KDM4C: variants seen among roughly 807,000 people sequenced by gnomAD.
KDM4C encodes lysine demethylase 4C, also known as lysine-specific demethylase 4C.
A neutral mutation model predicts 129.3 loss-of-function variants in KDM4C; 81 were observed. That is an observed-to-expected ratio of 0.63 (90% CI 0.52 to 0.75). The LOEUF (loss-of-function observed/expected upper bound fraction) is 0.75. Among genes scored for constraint, KDM4C ranks in the 30% least tolerant of loss-of-function variants. The probability of loss-of-function intolerance (pLI) is 0.00; values close to 1 mark genes in which losing one functional copy is unlikely to be tolerated. For missense variants in KDM4C, 1,457 were observed against 1,304.0 expected, an observed-to-expected ratio of 1.12 and a Z score of -1.81; for synonymous variants, 573 against 456.1, an observed-to-expected ratio of 1.26 and a Z score of -3.26.
Position 7,128,243 on chromosome 9 carries a change from A to G in KDM4C, c.2781+7A>G, listed in dbSNP as rs201914009. 5 of 1,564,944 alleles carry G rather than the reference A, an allele frequency of 3.2e-6. No homozygotes were observed. The East Asian group carries it at 1.2e-4, about 37-fold the overall frequency. ...ATTTCCTGAGGATATCGTGGTAAGT[A>G]GGCTTCCTTGAGTGCCTGCTACCCA... On this transcript the variant is annotated splice_region_variant and intron_variant, in intron 19 of 21. Coordinates refer to ENST00000381309, the MANE Select transcript of KDM4C (RefSeq NM_015061.6).
chr9:7,169,416 A>G (rs1220853273), intron 20 of KDM4C, among the ~76,000 whole-genome samples: 3 of 151,980 alleles, frequency 2.0e-5, no homozygotes, highest in African/African-American at 7.3e-5. Flanking sequence ...GCTCACTACA[A>G]CCTCTGCCTC....
intron 5 of KDM4C, among the ~76,000 whole-genome samples, chr9:6,865,031 T>A (rs6477120): frequency 7.2e-6 from 1 of 138,066 alleles, no homozygotes; most frequent in Non-Finnish European, 1.6e-5. Context: ...TTTTGTGAGA[T>A]AGAGTCTTGC....
At chr9:6,926,881 G>A (rs902166858) in intron 8 of KDM4C, among the ~76,000 whole-genome samples, 2 of 152,074 alleles carry the variant, frequency 1.3e-5, no homozygotes, top group African/African-American at 2.4e-5. Flanking sequence ...TTTAATTGTT[G>A]CTTATTTTCT....
chr9:7,145,680 TC>T (rs1842158892), intron 19 of KDM4C, among the ~76,000 whole-genome samples: 1 of 152,250 alleles, frequency 6.6e-6, no homozygotes, highest in African/African-American at 2.4e-5. Context: ...TGCTGCCTCT[TC>T]GGAACACCCA....
intron 10 of KDM4C, among the ~76,000 whole-genome samples, chr9:6,985,059 T>C (rs114425157): frequency 1.3e-5 from 2 of 152,076 alleles, no homozygotes; most frequent in African/African-American, 4.8e-5. Context: ...CTCATGGGAT[T>C]CCCCCCTCCG....
intron 1 of KDM4C, among the ~76,000 whole-genome samples, chr9:6,771,878 A>G (rs1821916434): frequency 6.6e-6 from 1 of 152,154 alleles, no homozygotes; most frequent in African/African-American, 2.4e-5. Context: ...AAGCCAAAGC[A>G]GGCCCAAGGG....
At chr9:7,161,007 CT>C (rs1843725413) in intron 19 of KDM4C, among the ~76,000 whole-genome samples, 1 of 152,212 alleles carries the variant, frequency 6.6e-6, no homozygotes, top group Non-Finnish European at 1.5e-5. Context: ...TTCCCAGCCG[CT>C]TTGTTTACCT....
In KDM4C at chr9:7,011,818, C is replaced by T. The variant is rs754288738; in HGVS notation, c.1907C>T (p.Ala636Val). 1 of 1,613,962 alleles carries T rather than the reference C, an allele frequency of 6.2e-7. No homozygotes were observed. Among genetic ancestry groups the T allele is most frequent in the Non-Finnish European group, 8.5e-7 (1 of 1,179,974 alleles). ...TTCGCAGCTGAGCAAGAGTATAATG[C>T]AACAGTGGCCAGGATGAAGCCACAC... ...PNFAAEQEYN[A>V]TVARMKPHCA... The change falls in exon 13 of 22, where the codon GCA (alanine) becomes GTA (valine). Residue 636 changes from alanine to valine, a missense_variant. Physicochemically the swap from Ala to Val is moderately conservative, Grantham distance 64. Coordinates refer to ENST00000381309, the MANE Select transcript of KDM4C (RefSeq NM_015061.6).
At chr9:7,028,743 T>C (rs1826221502) in intron 15 of KDM4C, among the ~76,000 whole-genome samples, 1 of 152,120 alleles carries the variant, frequency 6.6e-6, no homozygotes, top group Non-Finnish European at 1.5e-5. Context: ...TTGCTGGAAC[T>C]GGGATGTGTG....
At position 6,888,033 on chromosome 9, in the gene KDM4C, A is replaced by G. The variant is rs1845553632; in HGVS notation, c.753A>G (p.Val251=). 2 of 1,596,708 alleles carry G rather than the reference A, an allele frequency of 1.3e-6. No individual in the cohort carries two copies. Reference sequence around the variant, plus strand: ...AGATGACATTGATTTCTCCATCAGTATTGAAGAAATATGGTATTCCCTTTG... The same window carrying G: ...AGATGACATTGATTTCTCCATCAGTGTTGAAGAAATATGGTATTCCCTTTG... ...RHKMTLISPS[V]LKKYGIPFDK... The change falls in exon 7 of 22, where the codon GTA becomes GTG. Residue 251 remains valine, a synonymous_variant. Coordinates refer to ENST00000381309, the MANE Select transcript of KDM4C (RefSeq NM_015061.6).
At chr9:7,076,450 A>G in intron 17 of KDM4C, 3 of 1,550,532 alleles carry the variant, frequency 1.9e-6, no homozygotes, top group African/African-American at 1.4e-5. Context: ...CTGGGAATCT[A>G]GACACAGCAA....
In KDM4C at chr9:6,995,960, G is replaced by T. The variant is rs113145067; in HGVS notation, c.1786+5436G>T. 8.4e-3 allele frequency among the ~76,000 whole-genome samples: 1,272 copies of T among 152,260 alleles called. 23 individuals carry two copies. Among genetic ancestry groups the T allele is most frequent in the African/African-American group, 0.029 (1,219 of 41,528 alleles). ...TGGGATTACAGGCGTGAGCCACCGC[G>T]CCCGGCCCTGCAGGTTTTAAGTTTT... On this transcript the variant is annotated intron_variant, in intron 12 of 21. Transcript: ENST00000381309.
At chr9:7,083,694 CA>C in intron 17 of KDM4C, among the ~76,000 whole-genome samples, 1 of 142,904 alleles carries the variant, frequency 7.0e-6, no homozygotes, top group Non-Finnish European at 1.5e-5. Flanking sequence ...TGAAACGTCC[CA>C]TGTAGCACAT....
chr9:6,776,326 C>T (rs1458493189), intron 1 of KDM4C, among the ~76,000 whole-genome samples: 4 of 152,114 alleles, frequency 2.6e-5, no homozygotes, highest in Admixed American at 6.6e-5. Flanking sequence ...TGCAGTGGCA[C>T]GATCTCGGCT....
chr9:6,794,325 G>A (rs559959612), intron 2 of KDM4C, among the ~76,000 whole-genome samples: 1 of 152,198 alleles, frequency 6.6e-6, no homozygotes, highest in Non-Finnish European at 1.5e-5. Flanking sequence ...TCAAGATATG[G>A]GGACAGAAAG....
At chr9:6,860,702 T>A (rs1055968579) in intron 5 of KDM4C, among the ~76,000 whole-genome samples, 3 of 152,240 alleles carry the variant, frequency 2.0e-5, no homozygotes, top group African/African-American at 7.2e-5. Flanking sequence ...AACACAGTCC[T>A]CTTTAGTCTT....
At chr9:7,107,826 AG>A (rs1043178370) in intron 18 of KDM4C, among the ~76,000 whole-genome samples, 1 of 151,368 alleles carries the variant, frequency 6.6e-6, no homozygotes, top group African/African-American at 2.4e-5. Flanking sequence ...TATTGTAGCT[AG>A]GTCATAAGGA....
At chr9:6,957,417 T>C (rs1829257743) in intron 8 of KDM4C, among the ~76,000 whole-genome samples, 1 of 152,196 alleles carries the variant, frequency 6.6e-6, no homozygotes, top group African/African-American at 2.4e-5. Flanking sequence ...ATTGAAACTC[T>C]CTTATGGGAC....
At chr9:7,057,394 A>T (rs1196686705) in intron 17 of KDM4C, among the ~76,000 whole-genome samples, 1 of 152,234 alleles carries the variant, frequency 6.6e-6, no homozygotes, top group African/African-American at 2.4e-5. Context: ...CATGCTTTAG[A>T]TCACATAATT....
Sources: gnomAD v4.1 joint callset for allele counts (sites outside exome capture counted in the v4.1 genomes callset) on GRCh38, gnomAD v4.1.1 for gene constraint, MANE v1.5 for transcripts, NCBI Gene and HGNC (gene_info 2026-07-23, HGNC 2026-07-21) for gene names.